Variants in SOX6 observed in about 807,000 individuals in gnomAD.
The protein encoded by SOX6 is SRY-box transcription factor 6.
Under a neutral mutation model 97.8 loss-of-function variants are expected in SOX6, and 11 were observed. That is an observed-to-expected ratio of 0.11 (90% confidence interval 0.07 to 0.19). The LOEUF (loss-of-function observed/expected upper bound fraction) is 0.19. Among genes scored for constraint, SOX6 ranks in the 10% least tolerant of loss-of-function variants. The probability of loss-of-function intolerance (pLI) is 1.00; values close to 1 mark genes in which losing one functional copy is unlikely to be tolerated. For synonymous variants in SOX6, 360 were observed against 371.4 expected, an observed-to-expected ratio of 0.97 and a Z score of 0.35; for missense variants, 810 against 1,039.5, an observed-to-expected ratio of 0.78 and a Z score of 3.04.
At chr11:16,015,100 C>T in intron 12 of SOX6, 50 bp from the exon 13 acceptor site, 1 of 1,503,920 alleles carries the variant, frequency 6.6e-7, no homozygotes, top group South Asian at 1.1e-5. Flanking sequence ...AAACAGCCAC[C>T]ATTTCCTTCC....
intron 1 of SOX6, among the ~76,000 whole-genome samples, chr11:16,411,839 T>C (rs566084991): frequency 3.5e-4 from 53 of 152,288 alleles, no homozygotes; most frequent in African/African-American, 1.3e-3. Context: ...TTTTGTTTTG[T>C]TTTCTAAACT....
intron 1 of SOX6, among the ~76,000 whole-genome samples, chr11:16,403,371 CATG>C: frequency 6.6e-6 from 1 of 151,580 alleles, no homozygotes; most frequent in Non-Finnish European, 1.5e-5. Flanking sequence ...GAATGGGTGC[CATG>C]ATGATTGGTC....
intron 4 of SOX6, among the ~76,000 whole-genome samples, chr11:16,200,882 G>T (rs1365815121): frequency 6.6e-6 from 1 of 152,012 alleles, no homozygotes; most frequent in Non-Finnish European, 1.5e-5. Context: ...GAGGCAGGTG[G>T]ATCACCTGAG....
intron 1 of SOX6, chr11:16,402,679 C>A (rs1382210615): frequency 4.3e-6 from 7 of 1,611,080 alleles, no homozygotes; most frequent in Non-Finnish European, 5.9e-6. Flanking sequence ...TTCTTTCCTT[C>A]CTCCACCCAC....
At chr11:16,361,445 A>G (rs970743986), upstream of SOX6, among the ~76,000 whole-genome samples, 2 of 152,232 alleles carry the variant, frequency 1.3e-5, no homozygotes, top group African/African-American at 4.8e-5. Context: ...GTAGAAAACC[A>G]GAGCAGCAGG....
chr11:16,177,790 T>C (rs1292960653), intron 6 of SOX6, among the ~76,000 whole-genome samples: 1 of 151,854 alleles, frequency 6.6e-6, no homozygotes. Context: ...TATTATGTAA[T>C]GTCACATGCT....
chr11:16,498,173 G>A (rs995471475), intron 4 of SOX6, among the ~76,000 whole-genome samples: 12 of 152,104 alleles, frequency 7.9e-5, no homozygotes, highest in African/African-American at 2.9e-4. Context: ...CAACATTCTT[G>A]AAGAAAAGAA....
At chr11:16,276,779 T>C (rs975424259) in intron 3 of SOX6, among the ~76,000 whole-genome samples, 3 of 152,186 alleles carry the variant, frequency 2.0e-5, no homozygotes, top group Non-Finnish European at 4.4e-5. Context: ...AGCTACAGTG[T>C]GTTGAGTATT....
At chr11:16,165,832 A>G (rs1338944047) in intron 6 of SOX6, among the ~76,000 whole-genome samples, 1 of 148,322 alleles carries the variant, frequency 6.7e-6, no homozygotes. Flanking sequence ...TGGGAGGTGG[A>G]GGTTGCAGTG....
In SOX6 at chr11:16,066,718, A is replaced by G. The variant is rs181939121; in HGVS notation, c.1102-10817T>C. Reference sequence around the variant, plus strand: ...TCAAAACAATTGAGCTCATGGAGATAGAGAGTAGAAAGATGGTTATCAGAG... The same window carrying G: ...TCAAAACAATTGAGCTCATGGAGATGGAGAGTAGAAAGATGGTTATCAGAG... On this transcript the variant is annotated intron_variant, in intron 9 of 15. Coordinates refer to ENST00000683767, the MANE Select transcript of SOX6 (RefSeq NM_001367873.1). 1.5e-3 allele frequency among the ~76,000 whole-genome samples: 223 copies of G among 152,288 alleles called. 1 individual carries two copies. The highest frequency in any genetic ancestry group is 5.1e-3 in the African/African-American group (212 of 41,576).
intron 3 of SOX6, among the ~76,000 whole-genome samples, chr11:16,250,963 G>A (rs554556592): frequency 1.3e-5 from 2 of 152,140 alleles, no homozygotes; most frequent in South Asian, 2.1e-4. Context: ...AGAGTGTATG[G>A]CCTTTTATCA....
In SOX6 at chr11:16,680,297, C is replaced by T. The variant is rs1363811027; in HGVS notation, n.429+34533G>A. Among the ~76,000 whole-genome samples, 22 of 152,256 alleles carry T rather than the reference C, an allele frequency of 1.4e-4. No individual in the cohort carries two copies. The East Asian group carries it at 4.3e-3, about 29-fold the overall frequency. ...CTACAAGCCAGAAGAGAGTGGGGGCCAATATTCAACATTCTTAAAGAAAAG... is the reference window on the plus strand; with the variant it reads ...CTACAAGCCAGAAGAGAGTGGGGGCTAATATTCAACATTCTTAAAGAAAAG... On this transcript the variant is annotated intron_variant and non_coding_transcript_variant, in intron 3 of 5. Coordinates refer to the SOX6 transcript ENST00000524520.
intron 2 of SOX6, among the ~76,000 whole-genome samples, chr11:16,336,198 G>A (rs532157171): frequency 1.2e-3 from 177 of 152,228 alleles, no homozygotes; most frequent in Non-Finnish European, 1.4e-3. Context: ...ATCACATTTT[G>A]TATCTCATAA....
At chr11:16,295,739 T>G (rs1026278448) in intron 3 of SOX6, among the ~76,000 whole-genome samples, 2 of 152,096 alleles carry the variant, frequency 1.3e-5, no homozygotes, top group Non-Finnish European at 2.9e-5. Context: ...CAAAAGAGCT[T>G]TGCTATTTTC....
In SOX6 at chr11:16,234,608, G is replaced by A. The variant is rs1432297152; in HGVS notation, c.509C>T (p.Thr170Ile). Reference protein sequence around the residue: ...DWKEKMERLNTSELLGEIKGT... With the variant: ...DWKEKMERLNISELLGEIKGT... Reference sequence around the variant, plus strand: ...TTTAATTTCTCCAAGAAGTTCACTGGTATTTAGTCTTTCCATTTTTTCCTT... The same window carrying A: ...TTTAATTTCTCCAAGAAGTTCACTGATATTTAGTCTTTCCATTTTTTCCTT... The change falls in exon 4 of 16, where the codon ACC (threonine) becomes ATC (isoleucine). Residue 170 changes from threonine (T) to isoleucine (I), a missense_variant. Physicochemically the swap from Thr to Ile is moderately conservative, Grantham distance 89 (BLOSUM62 -1). Coordinates refer to ENST00000683767, the MANE Select transcript of SOX6 (RefSeq NM_001367873.1). 6.3e-7 allele frequency: 1 copy of A among 1,596,052 alleles called. No homozygotes were observed. Among genetic ancestry groups the A allele is most frequent in the Non-Finnish European group, 8.6e-7 (1 of 1,166,814 alleles).
intron 2 of SOX6, among the ~76,000 whole-genome samples, chr11:16,718,493 C>A (rs1848235004): frequency 6.6e-6 from 1 of 152,104 alleles, no homozygotes; most frequent in African/African-American, 2.4e-5. Flanking sequence ...TTCAGGAATG[C>A]TGAAATGCAA....
chr11:16,124,788 A>G lies in SOX6; in HGVS notation c.778-12865T>C, dbSNP rs1048550938. On this transcript the variant is annotated intron_variant, in intron 6 of 15. Transcript: ENST00000683767. Reference sequence around the variant, plus strand: ...AAAAGGGAGTATTACCATGAGACCTATTTAAGTTTAGAAAGATCACTCTGG... The same window carrying G: ...AAAAGGGAGTATTACCATGAGACCTGTTTAAGTTTAGAAAGATCACTCTGG... 2.6e-5 allele frequency among the ~76,000 whole-genome samples: 4 copies of G among 152,148 alleles called. No individual in the cohort carries two copies. In the East Asian group the frequency reaches 7.7e-4, roughly 29 times the overall value.
intron 6 of SOX6, among the ~76,000 whole-genome samples, chr11:16,151,277 CCT>C (rs1850451494): frequency 6.6e-6 from 1 of 152,030 alleles, no homozygotes; most frequent in African/African-American, 2.4e-5. Flanking sequence ...TGAAAATTTG[CCT>C]CTCAGAGCTG....
At chr11:16,347,430 A>C (rs1170929321) in intron 1 of SOX6, among the ~76,000 whole-genome samples, 1 of 152,156 alleles carries the variant, frequency 6.6e-6, no homozygotes, top group East Asian at 1.9e-4. Context: ...AATGGCTACT[A>C]TAAATATACA....
Sources: allele counts gnomAD v4.1 joint callset (sites outside exome capture counted in the v4.1 genomes callset), GRCh38; gene constraint gnomAD v4.1.1; transcripts MANE v1.5; gene names NCBI Gene and HGNC (gene_info 2026-07-23, HGNC 2026-07-21).